IMMP2L: variants seen among roughly 807,000 people sequenced by gnomAD.
IMMP2L encodes the protein inner mitochondrial membrane peptidase subunit 2.
Under a neutral mutation model 19.3 loss-of-function variants are expected in IMMP2L, and 18 were observed. The ratio of observed to expected loss-of-function variants is 0.93; its 90% confidence interval spans 0.64 to 1.38. IMMP2L has a LOEUF of 1.38. IMMP2L is among the 40% of genes most tolerant of loss of function. The probability of loss-of-function intolerance (pLI) is 0.00; values close to 1 mark genes in which losing one functional copy is unlikely to be tolerated. For missense variants in IMMP2L, 233 were observed against 218.2 expected, an observed-to-expected ratio of 1.07 and a Z score of -0.43; for synonymous variants, 76 against 73.0, an observed-to-expected ratio of 1.04 and a Z score of -0.21.
At chr7:111,371,530 G>A (rs1228775844) in intron 3 of IMMP2L, among the ~76,000 whole-genome samples, 2 of 151,994 alleles carry the variant, frequency 1.3e-5, no homozygotes, top group African/African-American at 4.8e-5. Context: ...TCCATCAAAA[G>A]AGGACTATAG....
intron 3 of IMMP2L, among the ~76,000 whole-genome samples, chr7:111,111,483 G>GT (rs1799197128): frequency 6.6e-6 from 1 of 150,500 alleles, no homozygotes; most frequent in Admixed American, 6.6e-5. Context: ...AACACATAAG[G>GT]CAAAATGTAT....
rs1563163302 is a variant in IMMP2L at position 111,016,847 on chromosome 7, AATATATATTATATAATAT to A, written c.240-53300_240-53283del. ...ATAATATATAGTATATATTATATATAATATATATTATATAATATATTACATATAATATATATTATATAT... is the reference window on the plus strand; with the variant it reads ...ATAATATATAGTATATATTATATATAATTACATATAATATATATTATATAT... On this transcript the variant is annotated intron_variant, in intron 3 of 5. Coordinates refer to ENST00000405709, the MANE Select transcript of IMMP2L (RefSeq NM_032549.4). Among the ~76,000 whole-genome samples the A allele has an allele frequency of 4.6e-5, 4 of 86,146 alleles. No homozygotes were observed. The East Asian group carries it at 1.3e-3, about 29-fold the overall frequency. The allele number at this position is 86,146 out of a possible 152,430, so 56.5% of individuals were successfully genotyped here. A position where few individuals can be genotyped will look rare whatever the true frequency, so the allele number is the denominator to read the frequency against.
intron 4 of IMMP2L, among the ~76,000 whole-genome samples, chr7:110,933,122 C>T (rs1264733729): frequency 6.6e-6 from 1 of 152,200 alleles, no homozygotes. Flanking sequence ...CTTGAAAGCA[C>T]TGCTCCTTCA....
chr7:110,738,013 A>T (rs1247502558), intron 5 of IMMP2L, among the ~76,000 whole-genome samples: 1 of 152,216 alleles, frequency 6.6e-6, no homozygotes, highest in Non-Finnish European at 1.5e-5. Flanking sequence ...AAGGGGGAGA[A>T]CACCCCATCA....
chr7:111,090,814 G>T (rs922367710), intron 3 of IMMP2L, among the ~76,000 whole-genome samples: 2 of 152,078 alleles, frequency 1.3e-5, no homozygotes, highest in Non-Finnish European at 2.9e-5. Flanking sequence ...TCAGTAGTGT[G>T]TCCTCTCTAT....
intron 2 of IMMP2L, among the ~76,000 whole-genome samples, chr7:111,504,323 G>A (rs1044472295): frequency 9.2e-5 from 14 of 152,198 alleles, no homozygotes; most frequent in Middle Eastern, 3.4e-3. Flanking sequence ...AATAAAAGAG[G>A]ATATAAACAA....
intron 3 of IMMP2L, among the ~76,000 whole-genome samples, chr7:111,479,642 C>G (rs1842010230): frequency 6.6e-6 from 1 of 152,094 alleles, no homozygotes; most frequent in African/African-American, 2.4e-5. Flanking sequence ...AAATCTGACT[C>G]CTTACATATA....
chr7:111,167,600 C>T (rs1805968953), intron 3 of IMMP2L, among the ~76,000 whole-genome samples: 1 of 151,918 alleles, frequency 6.6e-6, no homozygotes, highest in Non-Finnish European at 1.5e-5. Context: ...GTTTCCCTTA[C>T]CTTTAGTGTA....
At chr7:111,103,913 G>T (rs1586286737) in intron 3 of IMMP2L, among the ~76,000 whole-genome samples, 1 of 151,616 alleles carries the variant, frequency 6.6e-6, no homozygotes, top group East Asian at 1.9e-4. Flanking sequence ...TGCTTCTATT[G>T]AACACCATTT....
At chr7:111,325,954 C>T (rs1026095865) in intron 3 of IMMP2L, among the ~76,000 whole-genome samples, 1 of 151,540 alleles carries the variant, frequency 6.6e-6, no homozygotes, top group Non-Finnish European at 1.5e-5. Context: ...TGTAGTTTTG[C>T]CTATAACTGA....
chr7:111,439,683 G>T (rs918425928), intron 3 of IMMP2L, among the ~76,000 whole-genome samples: 1 of 151,896 alleles, frequency 6.6e-6, no homozygotes, highest in Admixed American at 6.6e-5. Context: ...TGACCAGGGT[G>T]GTGGTTGCTG....
At chr7:110,664,838 A>T (rs1791332584) in intron 5 of IMMP2L, 1 of 152,198 alleles carries the variant, frequency 6.6e-6, no homozygotes, top group Non-Finnish European at 1.5e-5. Context: ...TTATTTTCAA[A>T]TGTTTTTCCT....
chr7:111,281,216 A>AAGAGAAAGAAAGAAAGAAAGAAAGAAAG (rs1293249599), intron 3 of IMMP2L, among the ~76,000 whole-genome samples: 7 of 38,796 alleles, frequency 1.8e-4, no homozygotes, highest in Admixed American at 5.5e-4. Context: ...GAAAGAAAGA[A>AAGAGAAAGAAAGAAAGAAAGAAAGAAAG]AAAGAAAGAA....
intron 3 of IMMP2L, among the ~76,000 whole-genome samples, chr7:111,171,579 G>A (rs1321056769): frequency 6.6e-6 from 1 of 151,404 alleles, no homozygotes; most frequent in Non-Finnish European, 1.5e-5. Flanking sequence ...TATGAAAAAT[G>A]TATTACATAA....
chr7:111,559,754 T>G (rs1585700070), intron 1 of IMMP2L, among the ~76,000 whole-genome samples: 1 of 152,160 alleles, frequency 6.6e-6, no homozygotes, highest in South Asian at 2.1e-4. Context: ...CAGGCACTGT[T>G]TTTTCACACA....
intron 5 of IMMP2L, among the ~76,000 whole-genome samples, chr7:110,730,962 C>G (rs1341014277): frequency 6.6e-6 from 1 of 152,134 alleles, no homozygotes; most frequent in African/African-American, 2.4e-5. Flanking sequence ...TCCAGAGAAC[C>G]CTGACTAATA....
intron 3 of IMMP2L, among the ~76,000 whole-genome samples, chr7:111,078,265 G>C (rs1031756181): frequency 6.6e-5 from 10 of 152,176 alleles, no homozygotes; most frequent in African/African-American, 2.4e-4. Flanking sequence ...ATGCTGGCAA[G>C]GGCATGATAG....
chr7:110,796,899 C>T (rs537955583), intron 5 of IMMP2L, among the ~76,000 whole-genome samples: 16 of 152,016 alleles, frequency 1.1e-4, no homozygotes, highest in Non-Finnish European at 2.2e-4. Context: ...CCTTTGCCTA[C>T]ATTAGCCAGC....
chr7:110,807,336 T>G (rs747244039), intron 5 of IMMP2L, among the ~76,000 whole-genome samples: 8 of 152,006 alleles, frequency 5.3e-5, no homozygotes, highest in Non-Finnish European at 7.4e-5. Context: ...CTTTGGCCAT[T>G]AAAAAACCTA....
Sources: gnomAD v4.1 joint callset for allele counts (sites outside exome capture counted in the v4.1 genomes callset) on GRCh38, gnomAD v4.1.1 for gene constraint, MANE v1.5 for transcripts, NCBI Gene and HGNC (gene_info 2026-07-23, HGNC 2026-07-21) for gene names.